Variants in NUGGC observed in about 807,000 individuals in gnomAD.
NUGGC encodes the protein nuclear GTPase SLIP-GC.
A neutral mutation model predicts 92.6 loss-of-function variants in NUGGC; 58 were observed. The observed-to-expected ratio is 0.63, with a 90% CI of 0.51 to 0.78. The LOEUF (loss-of-function observed/expected upper bound fraction) is 0.78. Among genes scored for constraint, NUGGC ranks in the 30% least tolerant of loss-of-function variants. NUGGC has a pLI of 0.00. For missense variants in NUGGC, 925 were observed against 964.6 expected (o/e 0.96, Z 0.54); for synonymous variants, 376 against 366.4 (o/e 1.03, Z -0.30).
At chr8:28,033,460 C>G (rs1162243723) in intron 14 of NUGGC, 80 bp downstream of exon 14, 1 of 1,372,014 alleles carries the variant, frequency 7.3e-7, no homozygotes, top group African/African-American at 1.4e-5. Flanking sequence ...ACTTACAGAT[C>G]CAAAGTCTAA....
intron 10 of NUGGC, among the ~76,000 whole-genome samples, chr8:28,051,946 C>A (rs1261714298): frequency 3.3e-5 from 5 of 151,522 alleles, no homozygotes; most frequent in Non-Finnish European, 5.9e-5. Context: ...AAAACAAAAA[C>A]AAACAAAAAA....
chr8:28,051,280 C>CTA (rs1809994970), intron 10 of NUGGC, among the ~76,000 whole-genome samples: 1 of 152,086 alleles, frequency 6.6e-6, no homozygotes, highest in Non-Finnish European at 1.5e-5. Flanking sequence ...GGGAGTAATG[C>CTA]TAAAGGGAGT....
intron 2 of NUGGC, among the ~76,000 whole-genome samples, chr8:28,073,566 G>C (rs1019483437): frequency 6.6e-6 from 1 of 152,068 alleles, no homozygotes; most frequent in Non-Finnish European, 1.5e-5. Context: ...TGCAACTGGG[G>C]GTTATATCCC....
At chr8:28,027,993 A>G (rs1235110334) in intron 17 of NUGGC, among the ~76,000 whole-genome samples, 1 of 152,222 alleles carries the variant, frequency 6.6e-6, no homozygotes, top group Non-Finnish European at 1.5e-5. Flanking sequence ...ATTATGTATA[A>G]AAAGAAATTT....
chr8:28,030,163 A>G (rs1809378145), intron 16 of NUGGC, 147 bp downstream of exon 16: 2 of 615,582 alleles, frequency 3.2e-6, no homozygotes, highest in South Asian at 1.9e-5. Context: ...CCCTGCAGTC[A>G]TGTGGTTGCA....
chr8:28,030,442 C>T lies in NUGGC; in HGVS notation c.1909-24G>A, dbSNP rs765998334. On this transcript the variant is annotated intron_variant, in intron 15 of 18. Coordinates refer to ENST00000413272, the MANE Select transcript of NUGGC (RefSeq NM_001010906.2). ...ATCTGGGAAGATGTGGCAAAAGAGG[C>T]CGTTGGTGACAATTCCTTCAATGGA... 7.7e-6 allele frequency: 10 copies of T among 1,298,540 alleles called. No homozygotes were observed. The South Asian group carries it at 1.3e-4, about 16-fold the overall frequency. 80.4% of individuals were successfully genotyped at this position (1,298,540 alleles called of 1,614,324 possible).
chr8:28,055,443 C>G (rs1810108065), intron 10 of NUGGC, among the ~76,000 whole-genome samples: 1 of 152,130 alleles, frequency 6.6e-6, no homozygotes, highest in Middle Eastern at 3.2e-3. Context: ...ACCACATGCT[C>G]ATTCGACCCT....
intron 14 of NUGGC, 91 bp downstream of exon 14, chr8:28,033,449 C>T (rs1308086067): frequency 8.1e-7 from 1 of 1,238,502 alleles, no homozygotes. Flanking sequence ...CTACTCTTTA[C>T]ACTTACAGAT....
chr8:28,038,860 G>GTC (rs1043339745), intron 13 of NUGGC, among the ~76,000 whole-genome samples: 4 of 152,120 alleles, frequency 2.6e-5, no homozygotes, highest in Non-Finnish European at 5.9e-5. Flanking sequence ...AAGGTATTTA[G>GTC]TCTCTCTAAG....
At chr8:28,040,973 A>C in intron 13 of NUGGC, 78 bp downstream of exon 13, 1 of 1,368,154 alleles carries the variant, frequency 7.3e-7, no homozygotes, top group Non-Finnish European at 1.0e-6. Flanking sequence ...TTTGAAGGGA[A>C]TGGGATGATG....
At chr8:28,024,458 A>G (rs1430996751) in intron 18 of NUGGC, among the ~76,000 whole-genome samples, 1 of 152,100 alleles carries the variant, frequency 6.6e-6, no homozygotes, top group East Asian at 1.9e-4. Context: ...GCCTCCCTGC[A>G]TCAGATTTTG....
chr8:28,057,446 A>G (rs1324852862), intron 9 of NUGGC, among the ~76,000 whole-genome samples: 1 of 149,516 alleles, frequency 6.7e-6, no homozygotes, highest in Non-Finnish European at 1.5e-5. Flanking sequence ...GGTTCAAGTG[A>G]CTGTCCTGCT....
chr8:28,055,044 A>G (rs1810098274), intron 10 of NUGGC, among the ~76,000 whole-genome samples: 1 of 151,858 alleles, frequency 6.6e-6, no homozygotes, highest in African/African-American at 2.4e-5. Flanking sequence ...AAAATTAACC[A>G]GGCATGGTGA....
intron 9 of NUGGC, 116 bp from the exon 10 acceptor site, chr8:28,056,170 A>G (rs2130187768): frequency 3.2e-6 from 2 of 633,466 alleles, no homozygotes; most frequent in South Asian, 1.9e-5. Flanking sequence ...TCAAATATGC[A>G]TGCACTGTAT....
rs1263229514 is a variant in NUGGC at position 28,050,965 on chromosome 8, A to C, written c.1207-3353T>G. Among the ~76,000 whole-genome samples, 17 of 151,638 alleles carry C rather than the reference A, an allele frequency of 1.1e-4. No homozygotes were observed. The Admixed American group carries it at 1.1e-3, about 10-fold the overall frequency. The stretch of plus-strand genomic sequence containing the variant: ...TGCCACTGTCTTACTTGTATGAAAT[A>C]ATTTGATCTGAGCCCCTAGCACTCT... On this transcript the variant is annotated intron_variant, in intron 10 of 18. Coordinates refer to ENST00000413272, the MANE Select transcript of NUGGC (RefSeq NM_001010906.2).
At chr8:28,044,920 C>G (rs1809792260) in intron 12 of NUGGC, among the ~76,000 whole-genome samples, 1 of 152,156 alleles carries the variant, frequency 6.6e-6, no homozygotes, top group Non-Finnish European at 1.5e-5. Flanking sequence ...AGCAGCTTAT[C>G]CCTCTTATTT....
intron 6 of NUGGC, among the ~76,000 whole-genome samples, chr8:28,065,246 C>T (rs985659447): frequency 6.7e-6 from 1 of 149,398 alleles, no homozygotes; most frequent in African/African-American, 2.5e-5. Context: ...CTACAAGCTC[C>T]GCCTCCCGGG....
rs6981631 is a variant in NUGGC, at chr8:28,079,978, C to G, written c.-47+3797G>C. On this transcript the variant is annotated intron_variant, in intron 1 of 18. Coordinates refer to ENST00000413272, the MANE Select transcript of NUGGC (RefSeq NM_001010906.2). ...TTTTGAGATGGAGTTTTTGCTCTAT[C>G]GCCCAGGCTGGAGTGCAGTGGCACA... Among the ~76,000 whole-genome samples, 1,077 of 152,156 alleles carry G rather than the reference C, an allele frequency of 7.1e-3. 7 individuals carry two copies. The highest frequency in any genetic ancestry group is 8.8e-3 in the Non-Finnish European group (598 of 68,014).
chr8:28,044,742 T>C (rs1585568595), intron 12 of NUGGC, among the ~76,000 whole-genome samples: 2 of 152,292 alleles, frequency 1.3e-5, no homozygotes, highest in African/African-American at 4.8e-5. Context: ...TTATTGTAGA[T>C]AAGAGGTTGG....
Sources: gnomAD v4.1 joint callset for allele counts (sites outside exome capture counted in the v4.1 genomes callset) on GRCh38, gnomAD v4.1.1 for gene constraint, MANE v1.5 for transcripts, NCBI Gene and HGNC (gene_info 2026-07-23, HGNC 2026-07-21) for gene names.